The following ALKBH1 variants were observed in gnomAD, a reference collection of about 807,000 sequenced individuals.
ALKBH1 encodes alkB homolog 1, histone H2A dioxygenase.
A neutral mutation model predicts 36.6 loss-of-function variants in ALKBH1; 31 were observed. The observed-to-expected ratio is 0.85, with a 90% CI of 0.64 to 1.14. ALKBH1 has a LOEUF of 1.14. Among genes scored for constraint, ALKBH1 ranks in the 50% most tolerant of loss-of-function variants. The probability of loss-of-function intolerance (pLI) is 0.00; values close to 1 mark genes in which losing one functional copy is unlikely to be tolerated. For missense variants in ALKBH1, 490 were observed against 497.3 expected (o/e 0.99, Z 0.14); for synonymous variants, 183 against 186.6 (o/e 0.98, Z 0.16).
In ALKBH1 at chr14:77,707,680, G is replaced by A. The variant is rs902023166; in HGVS notation, c.183+142C>T. On this transcript the variant is annotated intron_variant, in intron 1 of 5. Transcript: ENST00000216489. Reference sequence around the variant, plus strand: ...TGCTAAGTGTGACGGTTAGTGGGGAGTTCGACTCTGCAGCCAAAGGAGGTC... The same window carrying A: ...TGCTAAGTGTGACGGTTAGTGGGGAATTCGACTCTGCAGCCAAAGGAGGTC... The A allele has an allele frequency of 8.7e-6, 8 of 920,140 alleles. No individual in the cohort carries two copies. The African/African-American group carries it at 1.3e-4, about 15-fold the overall frequency. The allele number at this position is 920,140 out of a possible 1,614,324, so 57.0% of individuals were successfully genotyped here. A position where few individuals can be genotyped will look rare whatever the true frequency, so the allele number is the denominator to read the frequency against.
intron 3 of ALKBH1, chr14:77,683,171 T>C (rs1366097665): frequency 6.9e-6 from 3 of 435,508 alleles, no homozygotes; most frequent in African/African-American, 5.1e-5. Flanking sequence ...TTTTTTTTTT[T>C]ACAAACAGTC....
chr14:77,679,273 AG>A (rs993473470), intron 4 of ALKBH1, among the ~76,000 whole-genome samples: 3 of 152,218 alleles, frequency 2.0e-5, no homozygotes, highest in African/African-American at 7.2e-5. Context: ...AAAAAGAAAA[AG>A]AAAAATATAT....
At chr14:77,680,709 C>A (rs555311072) in intron 3 of ALKBH1, among the ~76,000 whole-genome samples, 1 of 123,268 alleles carries the variant, frequency 8.1e-6, no homozygotes, top group Non-Finnish European at 1.6e-5. Flanking sequence ...GACAGAGTTT[C>A]GCTCTTGTTG....
At chr14:77,707,799 G>A (rs770365508) in intron 1 of ALKBH1, 23 bp downstream of exon 1, 2 of 1,567,318 alleles carry the variant, frequency 1.3e-6, no homozygotes, top group Non-Finnish European at 1.7e-6. Flanking sequence ...ATGGAGAGAC[G>A]CGCGCCACTC....
chr14:77,703,537 C>G (rs1267018516), intron 2 of ALKBH1, among the ~76,000 whole-genome samples: 1 of 151,412 alleles, frequency 6.6e-6, no homozygotes, highest in African/African-American at 2.4e-5. Context: ...CCTCGTGATC[C>G]GCCCGCCTCG....
chr14:77,676,253 G>C (rs1054141058), intron 4 of ALKBH1, among the ~76,000 whole-genome samples: 1 of 151,692 alleles, frequency 6.6e-6, no homozygotes, highest in African/African-American at 2.4e-5. Context: ...AAAGCGTTGT[G>C]ATTACAGACA....
chr14:77,702,906 G>C (rs1161485099), intron 2 of ALKBH1, among the ~76,000 whole-genome samples: 1 of 152,086 alleles, frequency 6.6e-6, no homozygotes, highest in Admixed American at 6.5e-5. Context: ...TGTAATCCTA[G>C]CACTCTGGGA....
At chr14:77,703,537 C>T (rs1267018516) in intron 2 of ALKBH1, among the ~76,000 whole-genome samples, 7 of 151,412 alleles carry the variant, frequency 4.6e-5, no homozygotes, top group Admixed American at 2.6e-4. Context: ...CCTCGTGATC[C>T]GCCCGCCTCG....
At chr14:77,688,812 T>TC (rs2080282696) in intron 3 of ALKBH1, among the ~76,000 whole-genome samples, 1 of 151,966 alleles carries the variant, frequency 6.6e-6, no homozygotes, top group Admixed American at 6.6e-5. Flanking sequence ...CCTCAGGTGA[T>TC]CCCCCCACCT....
chr14:77,704,525 T>G (rs1335072995), intron 1 of ALKBH1, 48 bp from the exon 2 acceptor site: 2 of 1,488,228 alleles, frequency 1.3e-6, no homozygotes, highest in African/African-American at 2.8e-5. Flanking sequence ...ATTTTGCAGG[T>G]CAACCCCGGG....
intron 3 of ALKBH1, 122 bp from the exon 4 acceptor site, chr14:77,680,092 G>A (rs896101583): frequency 2.9e-6 from 2 of 691,158 alleles, no homozygotes; most frequent in Non-Finnish European, 5.2e-6. Context: ...AGACTCAGTA[G>A]GAGAAATTAG....
chr14:77,686,475 G>A (rs2080268970), intron 3 of ALKBH1, among the ~76,000 whole-genome samples: 1 of 151,490 alleles, frequency 6.6e-6, no homozygotes, highest in Non-Finnish European at 1.5e-5. Context: ...AACATGCTAT[G>A]CTCCCTGCTG....
intron 5 of ALKBH1, among the ~76,000 whole-genome samples, 193 bp downstream of exon 5, chr14:77,675,463 A>G (rs1158060179): frequency 6.6e-6 from 1 of 152,046 alleles, no homozygotes; most frequent in African/African-American, 2.4e-5. Context: ...AAATAAAAAT[A>G]AAATAAAAGG....
chr14:77,707,982 A>G lies in ALKBH1; in HGVS notation c.23T>C (p.Val8Ala), dbSNP rs779887076. 2 of 1,611,466 alleles carry G rather than the reference A, an allele frequency of 1.2e-6. No individual in the cohort carries two copies. The highest frequency in any genetic ancestry group is 1.7e-6 in the Non-Finnish European group (2 of 1,178,658). Residue 8 changes from valine to alanine, a missense_variant, in exon 1 of 6, where the codon GTG becomes GCG. Physicochemically the swap from Val to Ala is moderately conservative, Grantham distance 64. Coordinates refer to ENST00000216489, the MANE Select transcript of ALKBH1 (RefSeq NM_006020.3). MGKMAAAVGSVATLATEP... is the reference protein window; with the variant it reads MGKMAAAAGSVATLATEP... Reference sequence around the variant, plus strand: ...AGTCGCCAGAGTCGCCACAGAGCCCACGGCCGCTGCCATCTTCCCCATCTC... The same window carrying G: ...AGTCGCCAGAGTCGCCACAGAGCCCGCGGCCGCTGCCATCTTCCCCATCTC...
At chr14:77,697,825 C>T (rs754744418) in intron 2 of ALKBH1, among the ~76,000 whole-genome samples, 1 of 151,784 alleles carries the variant, frequency 6.6e-6, no homozygotes, top group African/African-American at 2.4e-5. Flanking sequence ...CCAGCCTGGG[C>T]AGCATGGTGA....
chr14:77,673,824 G>T lies in ALKBH1; in HGVS notation c.1158C>A (p.Asn386Lys), dbSNP rs747512051. The T allele has an allele frequency of 6.2e-7, 1 of 1,613,048 alleles. No homozygotes were observed. The highest frequency in any genetic ancestry group is 8.5e-7 in the Non-Finnish European group (1 of 1,179,402). Residue 386 changes from asparagine to lysine, a missense_variant, in exon 6 of 6, where the codon AAC becomes AAA. Coordinates refer to ENST00000216489, the MANE Select transcript of ALKBH1 (RefSeq NM_006020.3). The stretch of plus-strand genomic sequence containing the variant: ...GGATCTCCAAGTCTCAGCTGTCAGG[G>T]TTTATCCTGGCCCGTTTTACTTCGC... Reference protein sequence around the residue: ...QNSEVKRARINPDS With the variant: ...QNSEVKRARIKPDS
rs1289336442 is a variant in ALKBH1, at chr14:77,704,384, G to GT, written c.276dup (p.Leu93ThrfsTer28). The GT allele has an allele frequency of 6.2e-7, 1 of 1,612,566 alleles. No homozygotes were observed. Among genetic ancestry groups the GT allele is most frequent in the Admixed American group, 1.7e-5 (1 of 60,028 alleles). ...TTACACTCACCAGGATAGCCTTTGA[G>GT]TCCATAGGCTTGCCACTTGCTGACG... On this transcript the variant is annotated frameshift_variant, in exon 2 of 6. Transcript: ENST00000216489. LOFTEE classifies it high-confidence loss of function.
At chr14:77,704,529 C>T (rs2080377690) in intron 1 of ALKBH1, 52 bp from the exon 2 acceptor site, 1 of 1,423,304 alleles carries the variant, frequency 7.0e-7, no homozygotes, top group African/African-American at 1.4e-5. Flanking sequence ...TGCAGGTCAA[C>T]CCCGGGAACC....
chr14:77,681,345 G>C (rs1332137591), intron 3 of ALKBH1, among the ~76,000 whole-genome samples: 1 of 152,146 alleles, frequency 6.6e-6, no homozygotes, highest in Non-Finnish European at 1.5e-5. Context: ...GTTGGGAGTT[G>C]AGCACGGCAC....
Sources: gnomAD v4.1 joint callset for allele counts (sites outside exome capture counted in the v4.1 genomes callset) on GRCh38, gnomAD v4.1.1 for gene constraint, MANE v1.5 for transcripts, NCBI Gene and HGNC (gene_info 2026-07-23, HGNC 2026-07-21) for gene names.